FARS2: variants seen among roughly 807,000 people sequenced by gnomAD.
FARS2 encodes phenylalanine--tRNA ligase, mitochondrial.
In FARS2, 40 loss-of-function variants were observed where a neutral mutation model predicts 46.4. The observed-to-expected ratio is 0.86, with a 90% CI of 0.67 to 1.12. The LOEUF (loss-of-function observed/expected upper bound fraction) is 1.12, where lower values mean the gene tolerates loss of function less well. FARS2 is among the 50% of genes most tolerant of loss of function. The pLI, the probability that FARS2 is intolerant of heterozygous loss-of-function variation, is 0.00. For synonymous variants in FARS2, 234 were observed against 214.9 expected (o/e 1.09, Z -0.78); for missense variants, 513 against 567.9 (o/e 0.90, Z 0.98).
intron 1 of FARS2, among the ~76,000 whole-genome samples, chr6:5,318,204 CA>C (rs1769679850): frequency 1.3e-5 from 2 of 151,832 alleles, no homozygotes; most frequent in African/African-American, 4.8e-5. Flanking sequence ...ACTAAAAATA[CA>C]AAAATTAGCC....
intron 6 of FARS2, among the ~76,000 whole-genome samples, chr6:5,729,720 G>C (rs1181146890): frequency 6.6e-6 from 1 of 152,112 alleles, no homozygotes; most frequent in African/African-American, 2.4e-5. Context: ...TTAGGCACAG[G>C]CTTCTTTCTC....
intron 1 of FARS2, among the ~76,000 whole-genome samples, chr6:5,275,245 A>C (rs187132214): frequency 1.4e-3 from 214 of 152,276 alleles, no homozygotes; most frequent in Non-Finnish European, 2.8e-3. Flanking sequence ...CTTCTCTTGA[A>C]TAATCAATAT....
chr6:5,507,979 A>G (rs547543487), intron 4 of FARS2, among the ~76,000 whole-genome samples: 10 of 152,324 alleles, frequency 6.6e-5, no homozygotes, highest in Non-Finnish European at 1.3e-4. Flanking sequence ...AGTGATTGAG[A>G]GTTCTGGGTT....
intron 5 of FARS2, among the ~76,000 whole-genome samples, chr6:5,583,083 C>T (rs1374076459): frequency 6.6e-6 from 1 of 152,216 alleles, no homozygotes; most frequent in Non-Finnish European, 1.5e-5. Context: ...TCTAAACAAA[C>T]ATCTTACCAG....
At chr6:5,289,106 G>T (rs1165268891) in intron 1 of FARS2, among the ~76,000 whole-genome samples, 1 of 152,110 alleles carries the variant, frequency 6.6e-6, no homozygotes, top group East Asian at 1.9e-4. Context: ...TTTTAAAATG[G>T]AAGAAAATGT....
intron 1 of FARS2, among the ~76,000 whole-genome samples, chr6:5,339,150 G>A (rs1259491098): frequency 6.6e-6 from 1 of 152,126 alleles, no homozygotes; most frequent in African/African-American, 2.4e-5. Context: ...TGTGTCCAGT[G>A]GCATGGCTAT....
chr6:5,418,609 C>T (rs1234479572), intron 3 of FARS2, among the ~76,000 whole-genome samples: 1 of 152,204 alleles, frequency 6.6e-6, no homozygotes, highest in Admixed American at 6.5e-5. Context: ...GATTTTTCAA[C>T]ACACATGATC....
chr6:5,571,313 T>A (rs1405137655), intron 5 of FARS2, among the ~76,000 whole-genome samples: 1 of 152,222 alleles, frequency 6.6e-6, no homozygotes, highest in African/African-American at 2.4e-5. Context: ...GCGTCTTCTG[T>A]GACATACGGG....
intron 2 of FARS2, among the ~76,000 whole-genome samples, chr6:5,381,275 G>A (rs1759757274): frequency 6.6e-6 from 1 of 151,814 alleles, no homozygotes; most frequent in Non-Finnish European, 1.5e-5. Context: ...GGGATTACAG[G>A]CGTGAGCCAC....
intron 4 of FARS2, among the ~76,000 whole-genome samples, chr6:5,469,626 C>A (rs76580273): frequency 6.6e-6 from 1 of 152,108 alleles, no homozygotes; most frequent in African/African-American, 2.4e-5. Context: ...TTCTGTCAGT[C>A]AGGATGACTC....
chr6:5,421,746 C>T (rs1381775033), intron 3 of FARS2, among the ~76,000 whole-genome samples: 3 of 152,306 alleles, frequency 2.0e-5, no homozygotes, highest in Non-Finnish European at 2.9e-5. Flanking sequence ...GCTCCATTTC[C>T]GAACAAGTTC....
At chr6:5,397,989 T>A (rs1228543074) in intron 2 of FARS2, among the ~76,000 whole-genome samples, 1 of 152,190 alleles carries the variant, frequency 6.6e-6, no homozygotes, top group East Asian at 1.9e-4. Flanking sequence ...TTGACAAAAA[T>A]GCCATGGAGA....
upstream of FARS2, among the ~76,000 whole-genome samples, chr6:5,256,069 GGT>G (rs1764649774): frequency 6.6e-6 from 1 of 151,852 alleles, no homozygotes. Context: ...TGGCCCAAAA[GGT>G]TGGTCATGCC....
intron 1 of FARS2, among the ~76,000 whole-genome samples, chr6:5,287,591 C>G (rs770008023): frequency 2.0e-5 from 3 of 152,200 alleles, no homozygotes; most frequent in African/African-American, 7.2e-5. Flanking sequence ...ATGCTTTCTC[C>G]CACCTCATAG....
At chr6:5,749,275 G>A (rs1464129029) in intron 6 of FARS2, among the ~76,000 whole-genome samples, 1 of 152,258 alleles carries the variant, frequency 6.6e-6, no homozygotes, top group Admixed American at 6.5e-5. Flanking sequence ...AACAGAGTGA[G>A]GAAGTGGCTG....
intron 6 of FARS2, among the ~76,000 whole-genome samples, chr6:5,657,187 A>G (rs560197828): frequency 1.3e-5 from 2 of 152,164 alleles, no homozygotes; most frequent in South Asian, 4.2e-4. Flanking sequence ...TGGGATGTGT[A>G]TTTAGAAAAA....
chr6:5,552,946 T>C (rs952135908), intron 5 of FARS2, among the ~76,000 whole-genome samples: 5 of 152,240 alleles, frequency 3.3e-5, no homozygotes, highest in African/African-American at 1.2e-4. Flanking sequence ...AATAAAACTT[T>C]AATTTATACT....
At position 5,762,289 on chromosome 6, in the gene FARS2, G is replaced by A. The variant is rs181733084; in HGVS notation, c.1218-9002G>A. Reference sequence around the variant, plus strand: ...CCTTCAAAAACTCTTGTTAGTTCATGATCTATATTTTAGAAGGAGAACCTG... The same window carrying A: ...CCTTCAAAAACTCTTGTTAGTTCATAATCTATATTTTAGAAGGAGAACCTG... On this transcript the variant is annotated intron_variant, in intron 6 of 6. Coordinates refer to ENST00000274680, the MANE Select transcript of FARS2 (RefSeq NM_006567.5). Among the ~76,000 whole-genome samples the A allele has an allele frequency of 6.6e-5, 10 of 152,252 alleles. No individual in the cohort carries two copies. In the East Asian group the frequency reaches 1.9e-3, roughly 29 times the overall value.
chr6:5,668,583 G>T (rs1394304016), intron 6 of FARS2, among the ~76,000 whole-genome samples: 1 of 151,818 alleles, frequency 6.6e-6, no homozygotes. Flanking sequence ...AGAAACAGCT[G>T]AGGCAAAAAT....
Sources: gnomAD v4.1 joint callset for allele counts (sites outside exome capture counted in the v4.1 genomes callset) on GRCh38, gnomAD v4.1.1 for gene constraint, MANE v1.5 for transcripts, NCBI Gene and HGNC (gene_info 2026-07-23, HGNC 2026-07-21) for gene names.